Variants in CSMD1 observed in about 807,000 individuals in gnomAD.
The protein encoded by CSMD1 is CUB and sushi domain-containing protein 1.
Under a neutral mutation model 417.5 loss-of-function variants are expected in CSMD1, and 213 were observed. The observed-to-expected ratio is 0.51, with a 90% CI of 0.46 to 0.57. The LOEUF (loss-of-function observed/expected upper bound fraction) is 0.57, where lower values mean the gene tolerates loss of function less well. Among genes scored for constraint, CSMD1 ranks in the 20% least tolerant of loss-of-function variants. The pLI, the probability that CSMD1 is intolerant of heterozygous loss-of-function variation, is 0.00. For synonymous variants in CSMD1, 2,862 were observed against 1,736.8 expected (o/e 1.65, Z -16.11); for missense variants, 6,923 against 4,529.7 (o/e 1.53, Z -15.17).
chr8:4,862,903 GGAGACACAGCACCAAGA>G (rs1802220252), intron 1 of CSMD1, among the ~76,000 whole-genome samples: 1 of 151,936 alleles, frequency 6.6e-6, no homozygotes, highest in Non-Finnish European at 1.5e-5. Flanking sequence ...TAGAGCCGTG[GGAGACACAGCACCAAGA>G]GAGGCTGGAG....
At chr8:4,241,635 A>G (rs1802409762) in intron 3 of CSMD1, among the ~76,000 whole-genome samples, 1 of 152,226 alleles carries the variant, frequency 6.6e-6, no homozygotes. Flanking sequence ...GAAATAATTC[A>G]ATGATCAAAA....
chr8:3,606,040 G>T (rs1801595597), intron 8 of CSMD1, among the ~76,000 whole-genome samples: 1 of 152,122 alleles, frequency 6.6e-6, no homozygotes, highest in African/African-American at 2.4e-5. Flanking sequence ...AAAATCACAT[G>T]ATTGTAATGA....
intron 10 of CSMD1, among the ~76,000 whole-genome samples, chr8:3,508,168 G>A (rs1027551872): frequency 5.6e-4 from 86 of 152,232 alleles, no homozygotes; most frequent in African/African-American, 2.0e-3. Flanking sequence ...GGTGGGAATT[G>A]AACAATGACC....
chr8:4,665,906 A>G (rs1044651482), intron 1 of CSMD1, among the ~76,000 whole-genome samples: 1 of 152,170 alleles, frequency 6.6e-6, no homozygotes, highest in Non-Finnish European at 1.5e-5. Context: ...GTAGGTATAT[A>G]TTTTACTTTA....
At chr8:4,521,624 A>C (rs1275494697) in intron 2 of CSMD1, among the ~76,000 whole-genome samples, 1 of 152,212 alleles carries the variant, frequency 6.6e-6, no homozygotes, top group Admixed American at 6.5e-5. Context: ...CAGAATTGCA[A>C]GGTAACTTTA....
rs542933512 is a variant in CSMD1, at chr8:4,116,100, G to A, written c.416-84001C>T. Among the ~76,000 whole-genome samples the A allele has an allele frequency of 1.1e-4, 17 of 151,922 alleles. No individual in the cohort carries two copies. In the East Asian group the frequency reaches 2.9e-3, roughly 26 times the overall value. On this transcript the variant is annotated intron_variant, in intron 3 of 69. Coordinates refer to ENST00000635120, the MANE Select transcript of CSMD1 (RefSeq NM_033225.6). Reference sequence around the variant, plus strand: ...TGCAACCTCCGCCTCCTGGGTTCAAGCGATTTTCCTACCTCCCAAGTAGCT... The same window carrying A: ...TGCAACCTCCGCCTCCTGGGTTCAAACGATTTTCCTACCTCCCAAGTAGCT...
intron 1 of CSMD1, among the ~76,000 whole-genome samples, chr8:4,895,929 A>AT (rs921359896): frequency 3.3e-5 from 5 of 152,040 alleles, no homozygotes; most frequent in South Asian, 2.1e-4. Flanking sequence ...GTTACCAATT[A>AT]TTTTTTTGAC....
intron 2 of CSMD1, among the ~76,000 whole-genome samples, chr8:4,539,858 T>C (rs953551246): frequency 5.9e-5 from 9 of 152,166 alleles, no homozygotes; most frequent in African/African-American, 1.9e-4. Context: ...CTTTTCTGGG[T>C]CACCTTCTGC....
intron 11 of CSMD1, among the ~76,000 whole-genome samples, chr8:3,484,901 A>G (rs1174297621): frequency 6.6e-6 from 1 of 152,192 alleles, no homozygotes; most frequent in Non-Finnish European, 1.5e-5. Flanking sequence ...TTTGGAGCAG[A>G]AAAAGTGGTG....
intron 21 of CSMD1, among the ~76,000 whole-genome samples, chr8:3,356,447 C>A (rs1808796949): frequency 1.3e-5 from 2 of 152,158 alleles, no homozygotes; most frequent in Non-Finnish European, 2.9e-5. Context: ...GAGGCCAAGG[C>A]GGGCACATCA....
chr8:4,287,876 G>T (rs1487004612), intron 3 of CSMD1, among the ~76,000 whole-genome samples: 1 of 152,026 alleles, frequency 6.6e-6, no homozygotes, highest in East Asian at 1.9e-4. Flanking sequence ...AACAAGGGCA[G>T]TCTCAGGACA....
At chr8:4,758,167 G>A (rs150647089) in intron 1 of CSMD1, among the ~76,000 whole-genome samples, 74 of 152,180 alleles carry the variant, frequency 4.9e-4, no homozygotes, top group African/African-American at 1.7e-3. Context: ...GCTTGGAGGT[G>A]TTTGCATTTC....
intron 5 of CSMD1, among the ~76,000 whole-genome samples, chr8:3,850,243 C>A (rs74344810): frequency 0.027 from 4,090 of 152,252 alleles, 81 homozygotes; most frequent in African/African-American, 0.058. Flanking sequence ...GAATAAAAAA[C>A]CAATAGGTAA....
chr8:4,702,635 G>A (rs1178517906), intron 1 of CSMD1, among the ~76,000 whole-genome samples: 1 of 152,094 alleles, frequency 6.6e-6, no homozygotes, highest in Non-Finnish European at 1.5e-5. Context: ...AACACACTGA[G>A]AATCACAAAT....
intron 10 of CSMD1, among the ~76,000 whole-genome samples, chr8:3,504,309 G>A (rs1281170214): frequency 6.6e-6 from 1 of 152,068 alleles, no homozygotes; most frequent in Non-Finnish European, 1.5e-5. Context: ...GAGAGTCTGG[G>A]CTTTGCTGCT....
chr8:4,037,847 A>T (rs1254801721), intron 3 of CSMD1, among the ~76,000 whole-genome samples: 1 of 152,076 alleles, frequency 6.6e-6, no homozygotes, highest in Non-Finnish European at 1.5e-5. Context: ...TATATTATAA[A>T]GTAGATCATA....
chr8:4,362,453 T>C (rs896714972), intron 3 of CSMD1, among the ~76,000 whole-genome samples: 2 of 152,130 alleles, frequency 1.3e-5, no homozygotes, highest in African/African-American at 4.8e-5. Context: ...TTGTTAAAGG[T>C]CCCTTGCTGA....
chr8:4,067,276 G>C (rs1457663970), intron 3 of CSMD1, among the ~76,000 whole-genome samples: 10 of 152,156 alleles, frequency 6.6e-5, no homozygotes, highest in African/African-American at 2.2e-4. Flanking sequence ...TCATAGCCGA[G>C]ATAGAATTTT....
chr8:3,736,473 G>T (rs958495192), intron 6 of CSMD1, among the ~76,000 whole-genome samples: 1 of 152,034 alleles, frequency 6.6e-6, no homozygotes, highest in South Asian at 2.1e-4. Flanking sequence ...TCGAAATCTT[G>T]GGCTGAAGTG....
Sources: gnomAD v4.1 joint callset for allele counts (sites outside exome capture counted in the v4.1 genomes callset) on GRCh38, gnomAD v4.1.1 for gene constraint, MANE v1.5 for transcripts, NCBI Gene and HGNC (gene_info 2026-07-23, HGNC 2026-07-21) for gene names.